Variants in SH3BP1 observed in about 807,000 individuals in gnomAD.
SH3BP1 encodes SH3 domain binding protein 1, also known as SH3 domain-binding protein 1.
SH3BP1 carries 46 observed loss-of-function variants against 69.8 expected under a neutral mutation model. That is an observed-to-expected ratio of 0.66 (90% CI 0.52 to 0.84). The LOEUF is 0.84. Ranked by LOEUF, SH3BP1 falls within the 40% of genes least tolerant of loss-of-function variation. The probability of loss-of-function intolerance (pLI) is 0.00; values close to 1 mark genes in which losing one functional copy is unlikely to be tolerated. For missense variants in SH3BP1, 868 were observed against 930.9 expected (o/e 0.93, Z 0.88); for synonymous variants, 403 against 378.0 (o/e 1.07, Z -0.77).
chr22:37,650,878 G>T, intron 16 of SH3BP1, 153 bp downstream of exon 16: 1 of 1,072,702 alleles, frequency 9.3e-7, no homozygotes, highest in Non-Finnish European at 1.3e-6. Flanking sequence ...GAGAGGGTGG[G>T]GCAGAGACTC....
At chr22:37,643,034 C>T in intron 5 of SH3BP1, 28 bp downstream of exon 5, 1 of 1,609,074 alleles carries the variant, frequency 6.2e-7, no homozygotes, top group Non-Finnish European at 8.5e-7. Context: ...TTTCAGCCCC[C>T]AGCTTCCCCA....
At chr22:37,643,216 CCCACAGA>C (rs1316207646) in intron 6 of SH3BP1, 42 bp downstream of exon 6, 6 of 1,534,190 alleles carry the variant, frequency 3.9e-6, no homozygotes, top group Non-Finnish European at 4.5e-6. Flanking sequence ...TCTGGGTCAG[CCCACAGA>C]GATGGTCATA....
intron 8 of SH3BP1, 74 bp downstream of exon 8, chr22:37,644,779 T>C (rs1932753072): frequency 6.2e-7 from 1 of 1,605,450 alleles, no homozygotes; most frequent in Non-Finnish European, 8.5e-7. Flanking sequence ...ACTGGGGCTC[T>C]AAGATGGTGG....
intron 10 of SH3BP1, among the ~76,000 whole-genome samples, chr22:37,646,366 G>C (rs1031867500): frequency 1.3e-5 from 2 of 151,148 alleles, no homozygotes; most frequent in African/African-American, 4.9e-5. Flanking sequence ...TCAAGCGATT[G>C]TGTCTCAGCC....
chr22:37,648,106 G>A (rs1034642342), intron 13 of SH3BP1, among the ~76,000 whole-genome samples: 2 of 152,354 alleles, frequency 1.3e-5, no homozygotes, highest in Middle Eastern at 3.4e-3. Context: ...AATGCAGACT[G>A]TAACAATCTC....
chr22:37,655,601 C>A lies in SH3BP1; in HGVS notation c.2023C>A (p.Pro675Thr), dbSNP rs1933010368. 2 of 1,584,276 alleles carry A rather than the reference C, an allele frequency of 1.3e-6. No individual in the cohort carries two copies. The highest frequency in any genetic ancestry group is 1.3e-5 in the African/African-American group (1 of 74,114). ...LGAATAEGGAPEAISGVPTPP... is the reference protein window; with the variant it reads ...LGAATAEGGATEAISGVPTPP... Reference sequence around the variant, plus strand: ...GGCTGCCACAGCAGAGGGAGGAGCCCCTGAGGCTATCAGTGGGGTCCCCAC... The same window carrying A: ...GGCTGCCACAGCAGAGGGAGGAGCCACTGAGGCTATCAGTGGGGTCCCCAC... The change falls in exon 18 of 18, where the codon CCT becomes ACT. Residue 675 changes from proline (P) to threonine (T), a missense_variant. Pro to Thr is a conservative substitution (Grantham distance 38). Transcript: ENST00000649765.
At position 37,655,619 on chromosome 22, in the gene SH3BP1, G is replaced by GT; in HGVS notation, c.2042dup (p.Thr683HisfsTer103). On this transcript the variant is annotated frameshift_variant, in exon 18 of 18. Coordinates refer to ENST00000649765, the MANE Select transcript of SH3BP1 (RefSeq NM_018957.6). LOFTEE classifies it high-confidence loss of function. ...AGGAGCCCCTGAGGCTATCAGTGGG[G>GT]TCCCCACTCCCCCAGCTATCCCCCC... is the stretch of plus-strand genomic sequence containing the variant. 6.4e-7 allele frequency: 1 copy of GT among 1,557,174 alleles called. No homozygotes were observed. The highest frequency in any genetic ancestry group is 8.7e-7 in the Non-Finnish European group (1 of 1,150,528).
Position 37,641,114 on chromosome 22 carries a change from C to CCCA in SH3BP1, c.60-12_60-11insCCA. On this transcript the variant is annotated splice_polypyrimidine_tract_variant and intron_variant, in intron 1 of 17. Coordinates refer to ENST00000649765, the MANE Select transcript of SH3BP1 (RefSeq NM_018957.6). The stretch of plus-strand genomic sequence containing the variant: ...GAAGCACTCTCCCCCCCCCCCCCAC[C>CCCA]ACTCCCCGCAGCACCCCGGAGACCG... 50 of 1,358,042 alleles carry CCCA rather than the reference C, an allele frequency of 3.7e-5. No homozygotes were observed. The highest frequency in any genetic ancestry group is 4.7e-5 in the Non-Finnish European group (46 of 984,022). 84.1% of individuals were successfully genotyped at this position (1,358,042 alleles called of 1,614,324 possible).
intron 9 of SH3BP1, 196 bp downstream of exon 9, chr22:37,645,156 C>T: frequency 2.4e-6 from 2 of 830,902 alleles, no homozygotes; most frequent in South Asian, 3.4e-5. Flanking sequence ...AGAGCCAGGC[C>T]TGTGAGGCAG....
rs768721027 is a variant in SH3BP1 at position 37,656,045 on chromosome 22, C to T, written c.*361C>T. 2.9e-6 allele frequency: 4 copies of T among 1,388,086 alleles called. No individual in the cohort carries two copies. The highest frequency in any genetic ancestry group is 3.8e-6 in the Non-Finnish European group (4 of 1,047,706). The allele number at this position is 1,388,086 out of a possible 1,614,324, so 86.0% of individuals were successfully genotyped here. A position where few individuals can be genotyped will look rare whatever the true frequency, so the allele number is the denominator to read the frequency against. ...TAAATTATTTTGGACAAAACTGGAGCAGCTGCCCAAATGATAGTTTTATTT... is the reference window on the plus strand; with the variant it reads ...TAAATTATTTTGGACAAAACTGGAGTAGCTGCCCAAATGATAGTTTTATTT... On this transcript the variant is annotated 3_prime_UTR_variant, in exon 18 of 18. Transcript: ENST00000649765.
At position 37,639,735 on chromosome 22, in the gene SH3BP1, C is replaced by T; in HGVS notation, c.-53C>T. The stretch of plus-strand genomic sequence containing the variant: ...GGAGAGGCAGGCTGGACCGGGGGCT[C>T]CCCGGGCCCGCGACCCCCGCCGTGA... On this transcript the variant is annotated 5_prime_UTR_variant, in exon 1 of 18. Transcript: ENST00000649765. 8.2e-7 allele frequency: 1 copy of T among 1,225,350 alleles called. No homozygotes were observed. Among genetic ancestry groups the T allele is most frequent in the South Asian group, 1.5e-5 (1 of 67,738 alleles). The allele number at this position is 1,225,350 out of a possible 1,614,324, so 75.9% of individuals were successfully genotyped here.
At chr22:37,639,926 T>TGGGGGGAGAGGGGGGG in intron 1 of SH3BP1, 80 bp downstream of exon 1, 15 of 496,904 alleles carry the variant, frequency 3.0e-5, no homozygotes, top group East Asian at 1.0e-4. Flanking sequence ...GAGACGGGGG[T>TGGGGGGAGAGGGGGGG]GGGGGAGGCT....
chr22:37,646,762 G>A, intron 10 of SH3BP1, 56 bp from the exon 11 acceptor site: 4 of 1,115,858 alleles, frequency 3.6e-6, no homozygotes, highest in Non-Finnish European at 5.0e-6. Flanking sequence ...AGTGCGCCAG[G>A]GTGTCCTGCC....
rs752740174 is a variant in SH3BP1, at chr22:37,644,705, T to C, written c.687T>C (p.Arg229=). The change falls in exon 8 of 18, where the codon CGT becomes CGC. Residue 229 remains arginine (R), a splice_region_variant and synonymous_variant. Transcript: ENST00000649765. Reference sequence around the variant, plus strand: ...ACTCCTATGCCAACTACTTCATTCGTGTGAGTCCAAGACCGGGCCCCAGCC... The same window carrying C: ...ACTCCTATGCCAACTACTTCATTCGCGTGAGTCCAAGACCGGGCCCCAGCC... ...KEDSYANYFI[R]LLEIQADYHR... is the part of the protein sequence containing the mutation. 2 of 1,614,230 alleles carry C rather than the reference T, an allele frequency of 1.2e-6. No individual in the cohort carries two copies. Among genetic ancestry groups the C allele is most frequent in the South Asian group, 1.1e-5 (1 of 91,092 alleles).
In SH3BP1 at chr22:37,653,829, G is replaced by T. The variant is rs751189664; in HGVS notation, c.1649G>T (p.Ser550Ile). Residue 550 changes from serine to isoleucine, a missense_variant, in exon 17 of 18, where the codon AGT becomes ATT. This residue lies in a region of SH3BP1 where 474 missense variants were observed against 462.3 expected (regional missense o/e 1.03). Coordinates refer to ENST00000649765, the MANE Select transcript of SH3BP1 (RefSeq NM_018957.6). The part of the protein sequence containing the change: ...PRPASPKVTR[S>I]PPETAAPVED... Reference sequence around the variant, plus strand: ...CCAGCCTCCCCCAAGGTCACCAGGAGTCCCCCGGAGACAGCTGCCCCAGTG... The same window carrying T: ...CCAGCCTCCCCCAAGGTCACCAGGATTCCCCCGGAGACAGCTGCCCCAGTG... 6.2e-6 allele frequency: 10 copies of T among 1,613,716 alleles called. No individual in the cohort carries two copies. The South Asian group carries it at 1.1e-4, about 18-fold the overall frequency.
At chr22:37,649,932 G>A (rs948037353) in intron 14 of SH3BP1, 1 of 657,870 alleles carries the variant, frequency 1.5e-6, no homozygotes, top group African/African-American at 1.8e-5. Context: ...ACAACTATGA[G>A]GAAAAGGGTC....
intron 16 of SH3BP1, among the ~76,000 whole-genome samples, chr22:37,652,276 C>T (rs1233923864): frequency 2.7e-5 from 4 of 150,582 alleles, no homozygotes; most frequent in African/African-American, 9.8e-5. Context: ...CGCCACTGCA[C>T]TCCAACCTGG....
chr22:37,653,398 T>C (rs917339716), intron 16 of SH3BP1, among the ~76,000 whole-genome samples: 4 of 151,166 alleles, frequency 2.6e-5, no homozygotes, highest in African/African-American at 9.7e-5. Context: ...ATCGCACCAC[T>C]GCACTCCAGC....
Position 37,643,770 on chromosome 22 carries a change from G to A in SH3BP1, c.600G>A (p.Arg200=), listed in dbSNP as rs561646664. Residue 200 remains arginine, a synonymous_variant, in exon 7 of 18, where the codon AGG becomes AGA. Coordinates refer to ENST00000649765, the MANE Select transcript of SH3BP1 (RefSeq NM_018957.6). ...AGGAGGAGGAGGAGGAGCTGAAGAG[G>A]AAAGTGGAGCAATGCAGGGTGAGGG... is the stretch of plus-strand genomic sequence containing the variant. ...TLKEEEEELK[R]KVEQCRDEYL... 28 of 1,613,488 alleles carry A rather than the reference G, an allele frequency of 1.7e-5. 2 individuals carry two copies. In the South Asian group the frequency reaches 3.0e-4, roughly 17 times the overall value.
Sources: allele counts gnomAD v4.1 joint callset (sites outside exome capture counted in the v4.1 genomes callset), GRCh38; gene constraint gnomAD v4.1.1; regional missense constraint gnomAD v4.1.1; transcripts MANE v1.5; gene names NCBI Gene and HGNC (gene_info 2026-07-23, HGNC 2026-07-21).